Variants in HDAC4 observed in about 807,000 individuals in gnomAD.
HDAC4 encodes the protein histone deacetylase 4, also known as histone deacetylase A.
Under a neutral mutation model 135.1 loss-of-function variants are expected in HDAC4, and 16 were observed. The ratio of observed to expected loss-of-function variants is 0.12; its 90% confidence interval spans 0.08 to 0.18. The LOEUF is 0.18. Among genes scored for constraint, HDAC4 ranks in the 10% least tolerant of loss-of-function variants. HDAC4 has a pLI of 1.00. For synonymous variants in HDAC4, 685 were observed against 653.4 expected (o/e 1.05, Z -0.74); for missense variants, 1,143 against 1,511.8 (o/e 0.76, Z 4.05).
chr2:239,053,279 G>T, intron 26 of HDAC4, 143 bp from the exon 27 acceptor site: 1 of 1,333,258 alleles, frequency 7.5e-7, no homozygotes, highest in African/African-American at 1.5e-5. Flanking sequence ...CATCTGTTCA[G>T]GATCTAATGC....
At chr2:239,083,821 C>T (rs1464394754) in intron 20 of HDAC4, among the ~76,000 whole-genome samples, 1 of 152,164 alleles carries the variant, frequency 6.6e-6, no homozygotes, top group Admixed American at 6.5e-5. Context: ...CTCCCAGGCT[C>T]CCAGGCCACA....
At position 239,331,855 on chromosome 2, in the gene HDAC4, C is replaced by T. The variant is rs1029080077; in HGVS notation, c.22+20823G>A. Among the ~76,000 whole-genome samples the T allele has an allele frequency of 2.2e-4, 33 of 152,128 alleles. No homozygotes were observed. The highest frequency in any genetic ancestry group is 7.2e-4 in the African/African-American group (30 of 41,434). On this transcript the variant is annotated intron_variant, in intron 2 of 26. Coordinates refer to ENST00000543185, the MANE Select transcript of HDAC4 (RefSeq NM_001378414.1). The surrounding 1 kb of genome is among the most constrained non-coding windows in gnomAD (Gnocchi z 4.5). ...GGCTGAGGAGCGGAGCAGCACCGGA[C>T]GGCTCGGACCCTGGGAAACGAACGC...
intron 20 of HDAC4, among the ~76,000 whole-genome samples, chr2:239,083,908 C>A (rs2035600899): frequency 6.6e-6 from 1 of 152,264 alleles, no homozygotes; most frequent in South Asian, 2.1e-4. Flanking sequence ...GTGGCCCTGG[C>A]CGCTGCCGTC....
At chr2:239,298,863 ATTTTTTTTT>A (rs35449811) in intron 2 of HDAC4, among the ~76,000 whole-genome samples, 2,236 of 83,066 alleles carry the variant, frequency 0.027, 32 homozygotes, top group Middle Eastern at 0.098. Flanking sequence ...GCCATAGCCT[ATTTTTTTTT>A]TTTTTTTTTT....
At position 239,352,711 on chromosome 2, in the gene HDAC4, T is replaced by G. The variant is rs1575737539; in HGVS notation, c.-12A>C. ...CTTTGGGAGCTCATTGCTAGCAATG[T>G]CCACTCCTTTAAGTGATTCGAAATG... On this transcript the variant is annotated 5_prime_UTR_variant, in exon 2 of 27. Coordinates refer to ENST00000543185, the MANE Select transcript of HDAC4 (RefSeq NM_001378414.1). The surrounding 1 kb of genome is among the most constrained non-coding windows in gnomAD (Gnocchi z 4.4). 2.6e-6 allele frequency: 4 copies of G among 1,556,444 alleles called. No homozygotes were observed. Among genetic ancestry groups the G allele is most frequent in the Non-Finnish European group, 3.5e-6 (4 of 1,148,802 alleles).
chr2:239,316,327 G>A (rs1003802564), intron 2 of HDAC4, among the ~76,000 whole-genome samples: 11 of 152,282 alleles, frequency 7.2e-5, no homozygotes, highest in South Asian at 4.1e-4. Context: ...TGGCAGGCCC[G>A]GTGACTCTCA....
At chr2:239,342,312 T>C (rs1460431147) in intron 2 of HDAC4, among the ~76,000 whole-genome samples, 2 of 151,672 alleles carry the variant, frequency 1.3e-5, no homozygotes, top group Non-Finnish European at 2.9e-5. Flanking sequence ...AATTCTGACA[T>C]CTCAAGTGAA....
Position 239,053,604 on chromosome 2 carries a change from G to C in HDAC4, c.3089-3C>G. The C allele has an allele frequency of 1.2e-6, 2 of 1,613,132 alleles. No homozygotes were observed. The highest frequency in any genetic ancestry group is 1.7e-6 in the Non-Finnish European group (2 of 1,179,768). On this transcript the variant is annotated splice_region_variant and splice_polypyrimidine_tract_variant and intron_variant, in intron 25 of 26. Coordinates refer to ENST00000543185, the MANE Select transcript of HDAC4 (RefSeq NM_001378414.1). ...CTGCAGGCAGCGCCAGTACTTGCCT[G>C]GGGTGGTGGGGTGAGGAAAGTCGCT...
At chr2:239,105,212 T>TG (rs1477589167) in intron 15 of HDAC4, among the ~76,000 whole-genome samples, 1 of 152,162 alleles carries the variant, frequency 6.6e-6, no homozygotes, top group Non-Finnish European at 1.5e-5. Flanking sequence ...AACACAGGCT[T>TG]GGGGCAGGGT....
intron 2 of HDAC4, among the ~76,000 whole-genome samples, chr2:239,350,498 T>C (rs566493710): frequency 6.6e-6 from 1 of 152,146 alleles, no homozygotes; most frequent in African/African-American, 2.4e-5. Context: ...ATAAAATATA[T>C]ATAAATGAGA....
At chr2:239,086,864 T>G (rs2036019113) in intron 19 of HDAC4, among the ~76,000 whole-genome samples, 1 of 152,248 alleles carries the variant, frequency 6.6e-6, no homozygotes, top group African/African-American at 2.4e-5. Context: ...GGAGACGCTC[T>G]TTCTAGCACC....
chr2:239,153,859 G>A (rs916254257), intron 7 of HDAC4, among the ~76,000 whole-genome samples: 2 of 152,230 alleles, frequency 1.3e-5, no homozygotes, highest in Non-Finnish European at 1.5e-5. Flanking sequence ...CGGAATCTAC[G>A]AGAGATGGCG....
At chr2:239,358,522 C>G (rs1253876573) in intron 1 of HDAC4, among the ~76,000 whole-genome samples, 1 of 152,174 alleles carries the variant, frequency 6.6e-6, no homozygotes, top group Admixed American at 6.5e-5. Context: ...GAACTGTGTT[C>G]GGACCCAATC....
intron 23 of HDAC4, among the ~76,000 whole-genome samples, chr2:239,067,706 C>T (rs534808048): frequency 2.6e-5 from 4 of 152,294 alleles, no homozygotes; most frequent in East Asian, 3.9e-4. Context: ...GCACAGCCAC[C>T]GAGGGCTGCC....
chr2:239,114,199 G>A (rs1031703287), intron 13 of HDAC4, among the ~76,000 whole-genome samples: 5 of 152,194 alleles, frequency 3.3e-5, no homozygotes, highest in African/African-American at 9.7e-5. Flanking sequence ...GAGATGCAGC[G>A]TCTGGCCACA....
chr2:239,301,507 G>A (rs1231578582), intron 2 of HDAC4, among the ~76,000 whole-genome samples: 5 of 150,358 alleles, frequency 3.3e-5, no homozygotes, highest in African/African-American at 9.9e-5. Context: ...CTTGAAACAG[G>A]GTCTCCCCTC....
At chr2:239,347,923 G>A (rs760551623) in intron 2 of HDAC4, among the ~76,000 whole-genome samples, 25 of 151,596 alleles carry the variant, frequency 1.6e-4, no homozygotes, top group Non-Finnish European at 2.7e-4. Flanking sequence ...TTCCTATCGA[G>A]AGCATCATCC....
At chr2:239,103,354 G>A (rs926296561) in intron 15 of HDAC4, among the ~76,000 whole-genome samples, 1 of 152,164 alleles carries the variant, frequency 6.6e-6, no homozygotes, top group African/African-American at 2.4e-5. Flanking sequence ...CAGCTGCCAG[G>A]GTCTGGCATC....
chr2:239,294,207 T>C (rs2051708292), intron 2 of HDAC4, among the ~76,000 whole-genome samples: 1 of 152,070 alleles, frequency 6.6e-6, no homozygotes, highest in African/African-American at 2.4e-5. Context: ...CTCTATCAAC[T>C]CCCAGTGACT....
Sources: gnomAD v4.1 joint callset for allele counts (sites outside exome capture counted in the v4.1 genomes callset) on GRCh38, gnomAD v4.1.1 for gene constraint, Gnocchi (gnomAD v3.1) non-coding constraint, MANE v1.5 for transcripts, NCBI Gene and HGNC (gene_info 2026-07-23, HGNC 2026-07-21) for gene names.